Variants in MYLK4 observed in about 807,000 individuals in gnomAD.
The protein encoded by MYLK4 is caMLCK like.
In MYLK4, 46 loss-of-function variants were observed where a neutral mutation model predicts 48.1. The observed-to-expected ratio is 0.96, with a 90% CI of 0.75 to 1.22. The LOEUF (loss-of-function observed/expected upper bound fraction) is 1.22. Among genes scored for constraint, MYLK4 ranks in the 50% most tolerant of loss-of-function variants. MYLK4 has a pLI of 0.00. For synonymous variants in MYLK4, 170 were observed against 180.8 expected (o/e 0.94, Z 0.48); for missense variants, 451 against 486.1 (o/e 0.93, Z 0.68).
At chr6:2,747,344 A>G (rs551989965) in intron 2 of MYLK4, among the ~76,000 whole-genome samples, 6 of 151,612 alleles carry the variant, frequency 4.0e-5, no homozygotes, top group African/African-American at 1.5e-4. Flanking sequence ...GCACTATCGC[A>G]CTCTTTTTTT....
intron 2 of MYLK4, among the ~76,000 whole-genome samples, chr6:2,730,597 CCT>C (rs1029136360): frequency 6.6e-6 from 1 of 152,072 alleles, no homozygotes; most frequent in Admixed American, 6.6e-5. Flanking sequence ...GTAGGAATCC[CCT>C]GTTGCTAATG....
chr6:2,742,627 C>T lies in MYLK4; in HGVS notation c.159+6509G>A, dbSNP rs541970595. ...GTAAACTATCGCAAGGACAAAAAAC[C>T]GAACACCGCATGTTCTCACTCATAG... On this transcript the variant is annotated intron_variant, in intron 2 of 12. Coordinates refer to ENST00000274643, the MANE Select transcript of MYLK4 (RefSeq NM_001012418.5). Among the ~76,000 whole-genome samples, 98 of 149,306 alleles carry T rather than the reference C, an allele frequency of 6.6e-4. 1 individual carries two copies. The highest frequency in any genetic ancestry group is 2.3e-3 in the African/African-American group (95 of 40,492).
At chr6:2,766,372 C>G in the MYLK4 span, 13 of 1,609,230 alleles carry the variant, frequency 8.1e-6, no homozygotes, top group Non-Finnish European at 1.1e-5. Flanking sequence ...GCCAGGATAC[C>G]CTGCTGCGCT....
At chr6:2,671,385 C>T in intron 11 of MYLK4, 37 bp from the exon 12 acceptor site, 2 of 1,595,906 alleles carry the variant, frequency 1.3e-6, no homozygotes, top group African/African-American at 1.3e-5. Flanking sequence ...AGGATTAGGA[C>T]TGTTTCCTTC....
chr6:2,765,964 G>C, the MYLK4 span: 1 of 1,419,272 alleles, frequency 7.0e-7, no homozygotes, highest in South Asian at 1.4e-5. Context: ...ACGACGCGCC[G>C]CCCACACCCA....
At chr6:2,720,445 A>C (rs1763030014) in intron 2 of MYLK4, among the ~76,000 whole-genome samples, 1 of 152,124 alleles carries the variant, frequency 6.6e-6, no homozygotes, top group Non-Finnish European at 1.5e-5. Context: ...AATGAAACAA[A>C]GCAAGTTGGA....
the MYLK4 span, among the ~76,000 whole-genome samples, chr6:2,762,334 T>C: frequency 6.6e-6 from 1 of 152,210 alleles, no homozygotes; most frequent in Non-Finnish European, 1.5e-5. Context: ...TTGAAACACG[T>C]CCTAAGAGAC....
At chr6:2,770,319 G>A in the MYLK4 span, 453 of 1,614,136 alleles carry the variant, frequency 2.8e-4, no homozygotes, top group Non-Finnish European at 3.5e-4. Context: ...GACTCTAGCC[G>A]TCCCACTGAC....
chr6:2,679,494 G>A (rs753110948), intron 8 of MYLK4, 86 bp from the exon 9 acceptor site: 2 of 1,511,772 alleles, frequency 1.3e-6, no homozygotes, highest in Non-Finnish European at 1.8e-6. Context: ...GAGACAAAAT[G>A]ACTTCAGCCA....
At chr6:2,763,860 C>T in the MYLK4 span, among the ~76,000 whole-genome samples, 1 of 148,968 alleles carries the variant, frequency 6.7e-6, no homozygotes, top group African/African-American at 2.5e-5. Context: ...AAAAAAAAAG[C>T]TCACGGTCGG....
intron 10 of MYLK4, among the ~76,000 whole-genome samples, chr6:2,677,325 T>G (rs1761118088): frequency 6.6e-6 from 1 of 152,180 alleles, no homozygotes; most frequent in Non-Finnish European, 1.5e-5. Context: ...CCAGACCCAC[T>G]GCCCACACTG....
At chr6:2,689,876 A>C (rs550542842) in intron 3 of MYLK4, among the ~76,000 whole-genome samples, 3 of 152,228 alleles carry the variant, frequency 2.0e-5, no homozygotes, top group Non-Finnish European at 4.4e-5. Context: ...TAATATTTTT[A>C]AAAATTCAGA....
intron 2 of MYLK4, among the ~76,000 whole-genome samples, chr6:2,711,033 G>A (rs1421757781): frequency 1.3e-5 from 2 of 152,320 alleles, no homozygotes; most frequent in South Asian, 2.1e-4. Context: ...AGACACAGGG[G>A]AGGAACTGTG....
At chr6:2,735,159 G>C (rs41458745) in intron 2 of MYLK4, among the ~76,000 whole-genome samples, 5,563 of 152,284 alleles carry the variant, frequency 0.037, 252 homozygotes, top group East Asian at 0.27. Flanking sequence ...TCCCGTATTA[G>C]AGCCATTTCA....
the MYLK4 span, among the ~76,000 whole-genome samples, chr6:2,767,349 T>C: frequency 1.3e-5 from 2 of 152,254 alleles, no homozygotes; most frequent in East Asian, 3.8e-4. Context: ...AATTCAGGGA[T>C]CAAACTGTAA....
intron 2 of MYLK4, among the ~76,000 whole-genome samples, chr6:2,748,528 T>G (rs1326681350): frequency 6.6e-6 from 1 of 152,152 alleles, no homozygotes; most frequent in African/African-American, 2.4e-5. Context: ...CTAGGCGGAG[T>G]GCTTTACAGA....
At chr6:2,753,587 G>A (rs1329871260), upstream of MYLK4, among the ~76,000 whole-genome samples, 1 of 152,120 alleles carries the variant, frequency 6.6e-6, no homozygotes, top group Non-Finnish European at 1.5e-5. Context: ...ACACTATTAT[G>A]AAAATGAAAA....
intron 2 of MYLK4, among the ~76,000 whole-genome samples, chr6:2,742,862 G>A (rs568913252): frequency 4.7e-4 from 72 of 152,016 alleles, no homozygotes; most frequent in African/African-American, 1.7e-3. Context: ...AAAACTTAAA[G>A]TATAATAATA....
In MYLK4 at chr6:2,664,950, G is replaced by A. The variant is rs1760588252; in HGVS notation, c.*2975C>T. The A allele has an allele frequency of 6.6e-6, 1 of 152,158 alleles. No homozygotes were observed. The allele number at this position is 152,158 out of a possible 1,614,324, so 9.4% of individuals were successfully genotyped here. A position where few individuals can be genotyped will look rare whatever the true frequency, so the allele number is the denominator to read the frequency against. ...TTGGTGTCTTCCAAATTACCAATGA[G>A]GCATGCCTTCTCCTTAATAACTTGC... On this transcript the variant is annotated 3_prime_UTR_variant, in exon 13 of 13. Coordinates refer to ENST00000274643, the MANE Select transcript of MYLK4 (RefSeq NM_001012418.5).
Sources: gnomAD v4.1 joint callset for allele counts (sites outside exome capture counted in the v4.1 genomes callset) on GRCh38, gnomAD v4.1.1 for gene constraint, MANE v1.5 for transcripts, NCBI Gene and HGNC (gene_info 2026-07-23, HGNC 2026-07-21) for gene names.